MITF: variants seen among roughly 807,000 people sequenced by gnomAD.
MITF encodes the protein microphthalmia-associated transcription factor.
In MITF, 17 loss-of-function variants were observed where a neutral mutation model predicts 60.5. That is an observed-to-expected ratio of 0.28 (90% CI 0.19 to 0.42). The LOEUF is 0.42. Ranked by LOEUF, MITF falls within the 10% of genes least tolerant of loss-of-function variation. The pLI, the probability that MITF is intolerant of heterozygous loss-of-function variation, is 1.00. For synonymous variants in MITF, 260 were observed against 248.5 expected, an observed-to-expected ratio of 1.05 and a Z score of -0.43; for missense variants, 622 against 683.5, an observed-to-expected ratio of 0.91 and a Z score of 1.00.
In MITF at chr3:69,926,483, A is replaced by G. The variant is rs115699516; in HGVS notation, c.355-11339A>G. Among the ~76,000 whole-genome samples the G allele has an allele frequency of 4.9e-3, 744 of 152,234 alleles. 9 individuals are homozygous for G. Among genetic ancestry groups the G allele is most frequent in the African/African-American group, 0.017 (719 of 41,516 alleles). ...CAGTTTCTTAAGAGTGTCGGTACTT[A>G]TGAGAAGGAGTTGTTCTGCCTGTGC... On this transcript the variant is annotated intron_variant, in intron 2 of 9. Coordinates refer to ENST00000352241, the MANE Select transcript of MITF (RefSeq NM_001354604.2).
At chr3:69,936,947 C>CTTT (rs79472179) in intron 2 of MITF, 29 of 273,636 alleles carry the variant, frequency 1.1e-4, no homozygotes, top group South Asian at 3.3e-4. Context: ...TAGTAGGATT[C>CTTT]TTTTTTTTTT....
chr3:69,923,031 C>A (rs75096851), intron 2 of MITF, among the ~76,000 whole-genome samples: 1 of 152,096 alleles, frequency 6.6e-6, no homozygotes, highest in Non-Finnish European at 1.5e-5. Context: ...GTCCACCCAG[C>A]GGGGGACCAA....
At chr3:69,913,326 T>C (rs1395634933) in intron 2 of MITF, among the ~76,000 whole-genome samples, 2 of 152,176 alleles carry the variant, frequency 1.3e-5, no homozygotes, top group Admixed American at 6.5e-5. Context: ...TCATTTTTAA[T>C]GTACAGTGTT....
intron 2 of MITF, among the ~76,000 whole-genome samples, chr3:69,914,741 G>A (rs1213406193): frequency 6.6e-6 from 1 of 152,116 alleles, no homozygotes; most frequent in Non-Finnish European, 1.5e-5. Context: ...TAGTTGCCTG[G>A]TTGTTAAAAT....
chr3:69,778,700 A>G (rs2062515196), intron 1 of MITF: 1 of 152,178 alleles, frequency 6.6e-6, no homozygotes, highest in Non-Finnish European at 1.5e-5. Context: ...AAGTTTGACT[A>G]TATTTTTCTT....
Position 69,944,670 on chromosome 3 carries a change from A to G in MITF, c.762+3339A>G, listed in dbSNP as rs1005704308. ...TACATACTCTTGACGGAGTGATTCAACCTCTCTGCTTGTGTTTCCTTGTCT... is the reference window on the plus strand; with the variant it reads ...TACATACTCTTGACGGAGTGATTCAGCCTCTCTGCTTGTGTTTCCTTGTCT... On this transcript the variant is annotated intron_variant, in intron 5 of 9. Transcript: ENST00000352241. Among the ~76,000 whole-genome samples the G allele has an allele frequency of 2.0e-5, 3 of 152,130 alleles. No homozygotes were observed. The South Asian group carries it at 6.2e-4, about 32-fold the overall frequency.
At chr3:69,956,181 T>A (rs2066393331) in intron 7 of MITF, among the ~76,000 whole-genome samples, 1 of 152,180 alleles carries the variant, frequency 6.6e-6, no homozygotes, top group Non-Finnish European at 1.5e-5. Context: ...TCCAAGGCAA[T>A]TTCATTATTT....
intron 1 of MITF, among the ~76,000 whole-genome samples, chr3:69,876,658 TTGTA>T (rs1283905293): frequency 6.6e-6 from 1 of 152,168 alleles, no homozygotes; most frequent in Non-Finnish European, 1.5e-5. Flanking sequence ...GCTGTTCGAT[TTGTA>T]TGTGTCTGTA....
intron 1 of MITF, among the ~76,000 whole-genome samples, chr3:69,763,347 T>A (rs750293381): frequency 3.3e-5 from 5 of 152,218 alleles, no homozygotes; most frequent in Non-Finnish European, 5.9e-5. Flanking sequence ...ATTTATTTAA[T>A]GTTATTAACT....
At chr3:69,741,464 A>C (rs1221803044) in intron 1 of MITF, among the ~76,000 whole-genome samples, 1 of 152,240 alleles carries the variant, frequency 6.6e-6, no homozygotes, top group African/African-American at 2.4e-5. Flanking sequence ...ACCATCTGGA[A>C]AAACCCAAAT....
intron 7 of MITF, among the ~76,000 whole-genome samples, chr3:69,955,776 C>T (rs1388151472): frequency 6.6e-6 from 1 of 151,840 alleles, no homozygotes; most frequent in Non-Finnish European, 1.5e-5. Context: ...ATCCTGCCAC[C>T]GCACTCCAGC....
chr3:69,900,795 A>G (rs996473364), intron 2 of MITF, among the ~76,000 whole-genome samples: 4 of 152,216 alleles, frequency 2.6e-5, no homozygotes, highest in Admixed American at 2.6e-4. Context: ...AGGAAAAATG[A>G]GGTAGAGGGA....
At chr3:69,946,069 G>A (rs914787823) in intron 5 of MITF, among the ~76,000 whole-genome samples, 3 of 152,160 alleles carry the variant, frequency 2.0e-5, no homozygotes, top group Non-Finnish European at 4.4e-5. Context: ...TAGAAAATTA[G>A]AATACTGTAT....
intron 1 of MITF, among the ~76,000 whole-genome samples, chr3:69,795,226 C>T (rs1186579611): frequency 1.3e-5 from 2 of 151,974 alleles, no homozygotes; most frequent in Non-Finnish European, 2.9e-5. Flanking sequence ...TTCTCCCAAG[C>T]GATGTATTAT....
intron 9 of MITF, among the ~76,000 whole-genome samples, chr3:69,961,080 G>A (rs4635708): frequency 0.32 from 48,707 of 152,138 alleles, 8,077 homozygotes; most frequent in African/African-American, 0.41. Context: ...AACATAGTCT[G>A]CCTATTTATA....
At chr3:69,914,305 A>G (rs1240816139) in intron 2 of MITF, among the ~76,000 whole-genome samples, 1 of 152,122 alleles carries the variant, frequency 6.6e-6, no homozygotes, top group Non-Finnish European at 1.5e-5. Context: ...TATTTTTAGT[A>G]GAGACAGGGT....
rs1437130781 is a variant in MITF at position 69,956,513 on chromosome 3, T to C, written c.1014T>C (p.Ile338=). ...GCATTAAAGAACTAGGTACTTTGAT[T>C]CCCAAGTCAAATGATCCGTGAGTAC... The part of the protein sequence containing the change: ...NDRIKELGTL[I]PKSNDPDMRW... The change falls in exon 8 of 10, where the codon ATT becomes ATC. Residue 338 remains isoleucine, a synonymous_variant. Coordinates refer to ENST00000352241, the MANE Select transcript of MITF (RefSeq NM_001354604.2). The C allele has an allele frequency of 2.5e-6, 4 of 1,612,812 alleles. No homozygotes were observed. The highest frequency in any genetic ancestry group is 1.6e-4 in the Middle Eastern group (1 of 6,074).
chr3:69,802,965 C>T (rs992385826), intron 1 of MITF, among the ~76,000 whole-genome samples: 20 of 151,858 alleles, frequency 1.3e-4, no homozygotes, highest in Admixed American at 7.9e-4. Context: ...TTAGTAGGGA[C>T]GGGGTTTCTC....
intron 9 of MITF, among the ~76,000 whole-genome samples, chr3:69,962,295 G>C (rs2066569880): frequency 6.6e-6 from 1 of 152,190 alleles, no homozygotes; most frequent in East Asian, 1.9e-4. Flanking sequence ...AGAAGAAAGA[G>C]CATGAATCCT....
Sources: allele counts gnomAD v4.1 joint callset (sites outside exome capture counted in the v4.1 genomes callset), GRCh38; gene constraint gnomAD v4.1.1; transcripts MANE v1.5; gene names NCBI Gene and HGNC (gene_info 2026-07-23, HGNC 2026-07-21).